Variants in COG7 observed in about 807,000 individuals in gnomAD.
COG7 encodes the protein component of oligomeric golgi complex 7.
Under a neutral mutation model 91.5 loss-of-function variants are expected in COG7, and 49 were observed. The observed-to-expected ratio is 0.54, with a 90% CI of 0.43 to 0.68. The LOEUF is 0.68. Ranked by LOEUF, COG7 falls within the 30% of genes least tolerant of loss-of-function variation. The pLI, the probability that COG7 is intolerant of heterozygous loss-of-function variation, is 0.00. For missense variants in COG7, 895 were observed against 961.3 expected, an observed-to-expected ratio of 0.93 and a Z score of 0.91; for synonymous variants, 365 against 388.7, an observed-to-expected ratio of 0.94 and a Z score of 0.72.
rs201584244 is a variant in COG7 at position 23,424,794 on chromosome 16, C to A, written c.964G>T (p.Ala322Ser). 3.1e-6 allele frequency: 5 copies of A among 1,614,086 alleles called. No homozygotes were observed. The highest frequency in any genetic ancestry group is 4.2e-6 in the Non-Finnish European group (5 of 1,180,046). The change falls in exon 7 of 17, where the codon GCC becomes TCC. Residue 322 changes from alanine (A) to serine (S), a missense_variant. Ala to Ser is a moderately conservative substitution (Grantham distance 99). Transcript: ENST00000307149. Reference protein sequence around the residue: ...TRLLEFYDATAHFAKGLEMAL... With the variant: ...TRLLEFYDATSHFAKGLEMAL... ...ATCTCCAAGCCCTTGGCGAAGTGGG[C>A]GGTGGCGTCGTAGAACTCCAGCAGC...
rs758832278 is a variant in COG7 at position 23,393,219 on chromosome 16, C to T, written c.2002+14G>A. ...GCTTGACTTGTAACATCGCCAGAAA[C>T]GGTCCCCGCTTACCCTGCTCAGGAG... On this transcript the variant is annotated intron_variant, in intron 15 of 16. Coordinates refer to ENST00000307149, the MANE Select transcript of COG7 (RefSeq NM_153603.4). 13 of 1,590,174 alleles carry T rather than the reference C, an allele frequency of 8.2e-6. No individual in the cohort carries two copies. The highest frequency in any genetic ancestry group is 1.1e-5 in the South Asian group (1 of 90,272).
chr16:23,393,457 G>A (rs1008600198), intron 14 of COG7, 110 bp from the exon 15 acceptor site: 60 of 779,336 alleles, frequency 7.7e-5, no homozygotes, highest in African/African-American at 2.4e-4. Context: ...GCTAGACCTC[G>A]GGTGATCCCA....
chr16:23,422,457 GTATA>G lies in COG7; in HGVS notation c.1009+2288_1009+2291del, dbSNP rs1299826654. 2.0e-5 allele frequency among the ~76,000 whole-genome samples: 3 copies of G among 148,876 alleles called. No homozygotes were observed. In the East Asian group the frequency reaches 5.8e-4, roughly 29 times the overall value. On this transcript the variant is annotated intron_variant, in intron 7 of 16. Coordinates refer to ENST00000307149, the MANE Select transcript of COG7 (RefSeq NM_153603.4). ...TACAACCAATATTTTAAGATATTTT[GTATA>G]TATTATATAACATATATTATTACAT...
intron 11 of COG7, among the ~76,000 whole-genome samples, chr16:23,406,876 T>A (rs1259897102): frequency 6.6e-6 from 1 of 152,202 alleles, no homozygotes; most frequent in African/African-American, 2.4e-5. Flanking sequence ...GACAAACGCC[T>A]AGAGGAGGTT....
At chr16:23,427,071 A>C (rs1963860834) in intron 6 of COG7, among the ~76,000 whole-genome samples, 1 of 152,118 alleles carries the variant, frequency 6.6e-6, no homozygotes, top group Admixed American at 6.6e-5. Flanking sequence ...CAACAAAGTA[A>C]GATCCTGTCT....
intron 6 of COG7, among the ~76,000 whole-genome samples, chr16:23,427,290 C>T (rs778037635): frequency 1.1e-4 from 17 of 151,340 alleles, no homozygotes; most frequent in African/African-American, 1.7e-4. Flanking sequence ...CCAGGCTAGG[C>T]GCGGCGGCTC....
chr16:23,396,921 T>C (rs866653802), intron 14 of COG7, among the ~76,000 whole-genome samples: 2 of 152,106 alleles, frequency 1.3e-5, no homozygotes, highest in South Asian at 2.1e-4. Flanking sequence ...TTTTCTTTTT[T>C]TTTCCTGAGG....
Position 23,388,813 on chromosome 16 carries a change from T to G in COG7, c.*107A>C. 3 of 1,577,638 alleles carry G rather than the reference T, an allele frequency of 1.9e-6. No homozygotes were observed. Among genetic ancestry groups the G allele is most frequent in the Non-Finnish European group, 2.6e-6 (3 of 1,163,706 alleles). On this transcript the variant is annotated 3_prime_UTR_variant, in exon 17 of 17. Coordinates refer to ENST00000307149, the MANE Select transcript of COG7 (RefSeq NM_153603.4). ...CCGTGACCAGCTGAACCAAGTCTTT[T>G]TAAAGTAACTTCTGCCCAATCTTGG...
chr16:23,424,961 GAGGT>G lies in COG7; in HGVS notation c.811-18_811-15del. ...CTTCTGGAAAACCTGCAGTGAGAGA[GAGGT>G]GTACCTGCCTTAGCACATGGAGCCA... On this transcript the variant is annotated splice_polypyrimidine_tract_variant and intron_variant, in intron 6 of 16. Coordinates refer to ENST00000307149, the MANE Select transcript of COG7 (RefSeq NM_153603.4). 6.3e-7 allele frequency: 1 copy of G among 1,587,268 alleles called. No individual in the cohort carries two copies. The highest frequency in any genetic ancestry group is 8.6e-7 in the Non-Finnish European group (1 of 1,164,458).
At chr16:23,435,635 C>CA (rs1444308842) in intron 4 of COG7, among the ~76,000 whole-genome samples, 2 of 150,690 alleles carry the variant, frequency 1.3e-5, no homozygotes, top group African/African-American at 5.0e-5. Context: ...CCCTTCTGGC[C>CA]AAAATGTACA....
rs368163884 is a variant in COG7 at position 23,390,681 on chromosome 16, T to A, written c.2147-1595A>T. Among the ~76,000 whole-genome samples the A allele has an allele frequency of 7.4e-4, 112 of 152,320 alleles. 2 individuals carry two copies. Among genetic ancestry groups the A allele is most frequent in the African/African-American group, 2.1e-3 (86 of 41,574 alleles). On this transcript the variant is annotated intron_variant, in intron 16 of 16. Transcript: ENST00000307149. ...GCCTCAAACTCCTAGGCCCAAGCGA[T>A]CCTCCTGCCTCGGCCTCCCAAAGTG...
At chr16:23,435,410 TG>T (rs1262437185) in intron 4 of COG7, among the ~76,000 whole-genome samples, 1 of 152,122 alleles carries the variant, frequency 6.6e-6, no homozygotes, top group Non-Finnish European at 1.5e-5. Context: ...TCAAATAATT[TG>T]GTAACTATTA....
intron 4 of COG7, among the ~76,000 whole-genome samples, chr16:23,436,586 T>C (rs951748977): frequency 3.3e-5 from 5 of 151,940 alleles, no homozygotes; most frequent in Admixed American, 2.0e-4. Context: ...ATATAAAAAA[T>C]TAACCAGGCG....
At chr16:23,389,186 C>T in intron 16 of COG7, 100 bp from the exon 17 acceptor site, 4 of 1,404,680 alleles carry the variant, frequency 2.8e-6, no homozygotes, top group Non-Finnish European at 3.9e-6. Context: ...AGAGAAGCTG[C>T]CCTGCCAAGT....
At chr16:23,390,463 C>T (rs1043872210) in intron 16 of COG7, among the ~76,000 whole-genome samples, 2 of 152,124 alleles carry the variant, frequency 1.3e-5, no homozygotes, top group Non-Finnish European at 1.5e-5. Flanking sequence ...CTCAGCCTCC[C>T]AAAGTGCTGG....
chr16:23,389,183 C>T, intron 16 of COG7, 97 bp from the exon 17 acceptor site: 1 of 1,425,870 alleles, frequency 7.0e-7, no homozygotes, highest in Non-Finnish European at 9.6e-7. Context: ...CACAGAGAAG[C>T]TGCCCTGCCA....
intron 16 of COG7, chr16:23,391,894 A>G (rs780854922): frequency 1.4e-4 from 91 of 628,436 alleles, no homozygotes; most frequent in Non-Finnish European, 1.9e-4. Flanking sequence ...CCCTGGCCAC[A>G]TGGCCTTGTT....
chr16:23,433,015 G>A (rs551100930), intron 6 of COG7, among the ~76,000 whole-genome samples: 1 of 152,170 alleles, frequency 6.6e-6, no homozygotes, highest in African/African-American at 2.4e-5. Context: ...GGTAAGAAGA[G>A]TTTCAGTGGA....
At position 23,413,581 on chromosome 16, in the gene COG7, G is replaced by A. The variant is rs376262419; in HGVS notation, c.1293-17C>T. On this transcript the variant is annotated splice_polypyrimidine_tract_variant and intron_variant, in intron 9 of 16. Coordinates refer to ENST00000307149, the MANE Select transcript of COG7 (RefSeq NM_153603.4). ...GACACATACCTGCCGGGAAAGGGAA[G>A]AAAATGGTAGGGAGGTCACCACTGA... The A allele has an allele frequency of 2.1e-5, 29 of 1,349,604 alleles. No homozygotes were observed. In the African/African-American group the frequency reaches 3.7e-4, roughly 17 times the overall value. The allele number at this position is 1,349,604 out of a possible 1,614,324, so 83.6% of individuals were successfully genotyped here. A position where few individuals can be genotyped will look rare whatever the true frequency, so the allele number is the denominator to read the frequency against.
Sources: gnomAD v4.1 joint callset for allele counts (sites outside exome capture counted in the v4.1 genomes callset) on GRCh38, gnomAD v4.1.1 for gene constraint, MANE v1.5 for transcripts, NCBI Gene and HGNC (gene_info 2026-07-23, HGNC 2026-07-21) for gene names.